Variants in GRIP1 observed in about 807,000 individuals in gnomAD.
The protein encoded by GRIP1 is glutamate receptor interacting protein 1.
In GRIP1, 45 loss-of-function variants were observed where a neutral mutation model predicts 129.9. That is an observed-to-expected ratio of 0.35 (90% CI 0.27 to 0.44). The LOEUF (loss-of-function observed/expected upper bound fraction) is 0.44, where lower values mean the gene tolerates loss of function less well. Among genes scored for constraint, GRIP1 ranks in the 20% least tolerant of loss-of-function variants. GRIP1 has a pLI of 1.00. For missense variants in GRIP1, 1,196 were observed against 1,396.8 expected, an observed-to-expected ratio of 0.86 and a Z score of 2.29; for synonymous variants, 530 against 520.8, an observed-to-expected ratio of 1.02 and a Z score of -0.24.
At chr12:66,579,712 G>T (rs2063295640) in intron 2 of GRIP1, among the ~76,000 whole-genome samples, 1 of 152,020 alleles carries the variant, frequency 6.6e-6, no homozygotes. Context: ...AGAGAAAAAA[G>T]AATAAAAAGA....
At chr12:66,641,911 C>A (rs945376483) in intron 1 of GRIP1, among the ~76,000 whole-genome samples, 13 of 152,248 alleles carry the variant, frequency 8.5e-5, no homozygotes, top group South Asian at 8.3e-4. Context: ...TTCATAACAG[C>A]CATACTGCCA....
chr12:66,598,581 C>T (rs1296425893), intron 1 of GRIP1, among the ~76,000 whole-genome samples: 1 of 152,190 alleles, frequency 6.6e-6, no homozygotes, highest in Non-Finnish European at 1.5e-5. Context: ...ACCATTGTCA[C>T]TTGAATATTT....
At chr12:66,943,435 T>C (rs1220898103) in intron 1 of GRIP1, among the ~76,000 whole-genome samples, 1 of 152,252 alleles carries the variant, frequency 6.6e-6, no homozygotes, top group Admixed American at 6.5e-5. Context: ...ACATAACTGA[T>C]ATTTATAAAT....
intron 2 of GRIP1, among the ~76,000 whole-genome samples, chr12:66,594,190 A>G (rs2063955255): frequency 6.6e-6 from 1 of 151,918 alleles, no homozygotes; most frequent in Admixed American, 6.6e-5. Context: ...TGCATGGAGA[A>G]GGTCAGAAAC....
At chr12:66,646,166 G>A (rs980129036) in intron 1 of GRIP1, among the ~76,000 whole-genome samples, 1 of 152,010 alleles carries the variant, frequency 6.6e-6, no homozygotes, top group Non-Finnish European at 1.5e-5. Context: ...TAATACTCTT[G>A]GAATCCTTGC....
At chr12:66,921,131 G>C (rs145776715) in intron 1 of GRIP1, among the ~76,000 whole-genome samples, 1 of 152,292 alleles carries the variant, frequency 6.6e-6, no homozygotes, top group Non-Finnish European at 1.5e-5. Flanking sequence ...TCACCTAGAT[G>C]GACATAATAG....
intron 1 of GRIP1, among the ~76,000 whole-genome samples, chr12:66,873,261 G>T (rs894039883): frequency 3.9e-5 from 6 of 151,974 alleles, no homozygotes; most frequent in Non-Finnish European, 8.8e-5. Context: ...CAAGAGGAGG[G>T]AATTCAAAAG....
intron 1 of GRIP1, among the ~76,000 whole-genome samples, chr12:66,955,284 G>C (rs2137509078): frequency 6.6e-6 from 1 of 152,122 alleles, no homozygotes; most frequent in African/African-American, 2.4e-5. Context: ...CTGAGAATTT[G>C]CATCTCTAAC....
At chr12:66,954,954 A>G (rs1292980488) in intron 1 of GRIP1, among the ~76,000 whole-genome samples, 1 of 152,238 alleles carries the variant, frequency 6.6e-6, no homozygotes, top group Non-Finnish European at 1.5e-5. Flanking sequence ...GGGTGGCCGC[A>G]GAAGGCCTCA....
chr12:66,393,200 A>G (rs1213546260), intron 17 of GRIP1, among the ~76,000 whole-genome samples: 1 of 85,274 alleles, frequency 1.2e-5, no homozygotes, highest in Non-Finnish European at 2.2e-5. Flanking sequence ...TTTTTTTGAG[A>G]CAGAGCCTCA....
At chr12:66,621,437 G>A (rs1220821246) in intron 1 of GRIP1, among the ~76,000 whole-genome samples, 1 of 152,032 alleles carries the variant, frequency 6.6e-6, no homozygotes, top group Non-Finnish European at 1.5e-5. Context: ...GTATCAAACT[G>A]CATTACCTTT....
chr12:67,027,409 T>A (rs965729072), intron 1 of GRIP1, among the ~76,000 whole-genome samples: 2 of 152,242 alleles, frequency 1.3e-5, no homozygotes, highest in African/African-American at 4.8e-5. Flanking sequence ...TGCAGCCACC[T>A]ACCAGTCCGT....
chr12:67,018,699 C>G (rs943251818), intron 1 of GRIP1, among the ~76,000 whole-genome samples: 3 of 151,992 alleles, frequency 2.0e-5, no homozygotes, highest in South Asian at 2.1e-4. Flanking sequence ...TGGTGGGGAG[C>G]CCCCAGGAAA....
chr12:66,714,920 C>CATCCATCCAATCCA (rs1555229374), intron 1 of GRIP1, among the ~76,000 whole-genome samples: 5 of 66,090 alleles, frequency 7.6e-5, no homozygotes, highest in African/African-American at 2.8e-4. Context: ...TCCATCCATC[C>CATCCATCCAATCCA]ATCCAATCCA....
At chr12:66,714,872 A>T (rs565848731) in intron 1 of GRIP1, among the ~76,000 whole-genome samples, 83 of 136,854 alleles carry the variant, frequency 6.1e-4, no homozygotes, top group African/African-American at 2.3e-3. Context: ...TCACCCATCT[A>T]TCCATTCAAT....
chr12:67,060,738 T>A (rs2043517608), intron 1 of GRIP1, among the ~76,000 whole-genome samples: 1 of 151,196 alleles, frequency 6.6e-6, no homozygotes, highest in South Asian at 2.1e-4. Flanking sequence ...CAGGAGAACT[T>A]CTTGAACCCA....
chr12:66,997,119 G>C (rs942593585), intron 1 of GRIP1, among the ~76,000 whole-genome samples: 1 of 152,080 alleles, frequency 6.6e-6, no homozygotes, highest in African/African-American at 2.4e-5. Context: ...TTTAAAAAAC[G>C]AAACTTCTGA....
At chr12:66,451,421 T>C (rs867593186) in intron 11 of GRIP1, among the ~76,000 whole-genome samples, 1,626 of 115,564 alleles carry the variant, frequency 0.014, 65 homozygotes, top group African/African-American at 0.056. Context: ...TTTTTTTTTT[T>C]CAGATAGGCT....
chr12:66,702,416 AGTTTAAATACCT>A (rs1249627876), intron 1 of GRIP1, among the ~76,000 whole-genome samples: 4 of 152,146 alleles, frequency 2.6e-5, no homozygotes, highest in African/African-American at 9.7e-5. Flanking sequence ...GTTTTCAGTC[AGTTTAAATACCT>A]AGAGTTCTGC....
Sources: allele counts gnomAD v4.1 joint callset (sites outside exome capture counted in the v4.1 genomes callset), GRCh38; gene constraint gnomAD v4.1.1; transcripts MANE v1.5; gene names NCBI Gene and HGNC (gene_info 2026-07-23, HGNC 2026-07-21).